The following MSI2 variants were observed in gnomAD, a reference collection of about 807,000 sequenced individuals.
MSI2 encodes the protein RNA-binding protein Musashi homolog 2.
MSI2 carries 17 observed loss-of-function variants against 45.6 expected under a neutral mutation model. The ratio of observed to expected loss-of-function variants is 0.37; its 90% CI spans 0.26 to 0.56. MSI2 has a LOEUF of 0.56. MSI2 is among the 20% of genes least tolerant of loss of function. The pLI, the probability that MSI2 is intolerant of heterozygous loss-of-function variation, is 0.77. For missense variants in MSI2, 293 were observed against 444.2 expected (o/e 0.66, Z 3.06); for synonymous variants, 156 against 158.2 (o/e 0.99, Z 0.11).
chr17:57,321,894 T>C (rs1913375467), intron 5 of MSI2, among the ~76,000 whole-genome samples: 1 of 152,032 alleles, frequency 6.6e-6, no homozygotes, highest in South Asian at 2.1e-4. Flanking sequence ...CCTCCCGGAT[T>C]CAAGTGATTC....
intron 6 of MSI2, among the ~76,000 whole-genome samples, chr17:57,428,429 T>G (rs1243901456): frequency 6.6e-6 from 1 of 152,082 alleles, no homozygotes; most frequent in Non-Finnish European, 1.5e-5. Flanking sequence ...GGCCTTGCCC[T>G]GTCACCCAGG....
At chr17:57,532,361 CAGG>C (rs1329326412) in intron 7 of MSI2, 1 of 152,208 alleles carries the variant, frequency 6.6e-6, no homozygotes, top group African/African-American at 2.4e-5. Context: ...CCCTCTCATC[CAGG>C]GCCCTCCCAC....
Position 57,506,740 on chromosome 17 carries a change from T to A in MSI2, c.406-22936T>A, listed in dbSNP as rs370440089. 6.0e-4 allele frequency among the ~76,000 whole-genome samples: 91 copies of A among 152,330 alleles called. 1 individual carries two copies. Among genetic ancestry groups the A allele is most frequent in the African/African-American group, 2.1e-3 (89 of 41,582 alleles). ...ATTCGAGTTGAGCAAATCTGGAGCT[T>A]GCTTTTTGTGCCTGTTGAAGGGCAA... On this transcript the variant is annotated intron_variant, in intron 6 of 13. Coordinates refer to ENST00000284073, the MANE Select transcript of MSI2 (RefSeq NM_138962.4).
chr17:57,649,712 G>T (rs12936628), intron 10 of MSI2, among the ~76,000 whole-genome samples: 1 of 152,090 alleles, frequency 6.6e-6, no homozygotes. Context: ...TGGCGGGTGA[G>T]GGGTGACTGG....
chr17:57,551,308 G>A (rs2087298540), intron 7 of MSI2, among the ~76,000 whole-genome samples: 1 of 152,166 alleles, frequency 6.6e-6, no homozygotes, highest in Admixed American at 6.5e-5. Context: ...TTCTTCCTGT[G>A]CGGGTAGGTC....
At chr17:57,453,792 T>C (rs148134193) in intron 6 of MSI2, among the ~76,000 whole-genome samples, 23 of 152,316 alleles carry the variant, frequency 1.5e-4, no homozygotes, top group African/African-American at 4.8e-4. Context: ...ATGGGTTAAT[T>C]CTCAACACCA....
At chr17:57,549,298 A>G (rs543932169) in intron 7 of MSI2, among the ~76,000 whole-genome samples, 6 of 113,682 alleles carry the variant, frequency 5.3e-5, no homozygotes, top group Non-Finnish European at 1.1e-4. Context: ...AAACAAGCCC[A>G]CCTCCCCACT....
intron 6 of MSI2, among the ~76,000 whole-genome samples, chr17:57,467,877 C>G (rs987441032): frequency 8.2e-6 from 1 of 121,426 alleles, no homozygotes; most frequent in African/African-American, 3.1e-5. Flanking sequence ...CATTCCCCCT[C>G]TCCTCTGTGA....
chr17:57,570,969 G>A (rs1456383702), intron 7 of MSI2, among the ~76,000 whole-genome samples: 2 of 152,156 alleles, frequency 1.3e-5, no homozygotes, highest in Non-Finnish European at 2.9e-5. Flanking sequence ...GGCCTCTGGG[G>A]CCCCTCCCCC....
intron 6 of MSI2, among the ~76,000 whole-genome samples, chr17:57,458,775 G>T (rs1026277244): frequency 6.6e-6 from 1 of 152,204 alleles, no homozygotes; most frequent in Admixed American, 6.5e-5. Flanking sequence ...ACCAGGCTTT[G>T]TTCAAGGTGG....
At position 57,683,858 on chromosome 17, in the gene MSI2, A is replaced by G. The variant is rs1309867394; in HGVS notation, c.*4341A>G. 5 of 232,136 alleles carry G rather than the reference A, an allele frequency of 2.2e-5. No individual in the cohort carries two copies. Among genetic ancestry groups the G allele is most frequent in the African/African-American group, 1.1e-4 (5 of 45,260 alleles). The allele number at this position is 232,136 out of a possible 1,614,324, so 14.4% of individuals were successfully genotyped here. ...GTCAGCTCAGCCCCGTCCTGGGCAC[A>G]GACACTACACAAGGAGACGCTGGAA... On this transcript the variant is annotated 3_prime_UTR_variant, in exon 14 of 14. Coordinates refer to ENST00000284073, the MANE Select transcript of MSI2 (RefSeq NM_138962.4). The surrounding 1 kb of genome is among the most constrained non-coding windows in gnomAD (Gnocchi z 5.2).
chr17:57,313,745 G>A (rs538921365), intron 5 of MSI2, among the ~76,000 whole-genome samples: 1 of 152,198 alleles, frequency 6.6e-6, no homozygotes, highest in Admixed American at 6.5e-5. Context: ...TGTGTGTACC[G>A]TATAAGGTGC....
intron 5 of MSI2, among the ~76,000 whole-genome samples, chr17:57,304,306 G>C (rs1209986907): frequency 7.0e-6 from 1 of 142,818 alleles, no homozygotes; most frequent in South Asian, 2.3e-4. Flanking sequence ...GCGGTGAGCC[G>C]AGATTGCACC....
intron 8 of MSI2, among the ~76,000 whole-genome samples, chr17:57,602,684 T>C (rs1906039217): frequency 6.6e-6 from 1 of 152,218 alleles, no homozygotes; most frequent in Non-Finnish European, 1.5e-5. Context: ...TCCTTTTTCT[T>C]ACTCCTTTAA....
intron 5 of MSI2, among the ~76,000 whole-genome samples, chr17:57,300,064 G>A (rs893325946): frequency 1.3e-5 from 2 of 152,162 alleles, no homozygotes; most frequent in African/African-American, 4.8e-5. Context: ...GTGGACCCAC[G>A]CACGGCTTTA....
At position 57,615,992 on chromosome 17, in the gene MSI2, C is replaced by T; in HGVS notation, c.560C>T (p.Pro187Leu). The T allele has an allele frequency of 1.2e-6, 2 of 1,614,052 alleles. No individual in the cohort carries two copies. Among genetic ancestry groups the T allele is most frequent in the African/African-American group, 1.3e-5 (1 of 75,024 alleles). Residue 187 changes from proline to leucine, a missense_variant, in exon 9 of 14, where the codon CCG becomes CTG. Physicochemically the swap from Pro to Leu is moderately conservative, Grantham distance 98. Coordinates refer to ENST00000284073, the MANE Select transcript of MSI2 (RefSeq NM_138962.4). ...NKMVECKKAQ[P>L]KEVMFPPGTR... ...CAGGTAGAATGTAAGAAAGCTCAGC[C>T]GAAAGAAGTCATGTTCCCACCTGGG...
At chr17:57,423,265 T>C (rs2084430060) in intron 6 of MSI2, among the ~76,000 whole-genome samples, 1 of 152,224 alleles carries the variant, frequency 6.6e-6, no homozygotes, top group African/African-American at 2.4e-5. Flanking sequence ...TATTAAAGAC[T>C]TGAGAACATT....
At chr17:57,566,169 C>T (rs887628869) in intron 7 of MSI2, among the ~76,000 whole-genome samples, 3 of 152,064 alleles carry the variant, frequency 2.0e-5, no homozygotes, top group African/African-American at 4.8e-5. Flanking sequence ...AGCTTGTGTA[C>T]GGCACAGTCC....
At chr17:57,632,651 A>T in intron 10 of MSI2, 1 of 1,066,172 alleles carries the variant, frequency 9.4e-7, no homozygotes, top group Non-Finnish European at 1.1e-6. Flanking sequence ...CACCCTTAGA[A>T]GGATCTTTTC....
Sources: gnomAD v4.1 joint callset for allele counts (sites outside exome capture counted in the v4.1 genomes callset) on GRCh38, gnomAD v4.1.1 for gene constraint, Gnocchi (gnomAD v3.1) non-coding constraint, MANE v1.5 for transcripts, NCBI Gene and HGNC (gene_info 2026-07-23, HGNC 2026-07-21) for gene names.